CSF2RA: variants seen among roughly 807,000 people sequenced by gnomAD.
The protein encoded by CSF2RA is granulocyte-macrophage colony-stimulating factor receptor subunit alpha.
Under a neutral mutation model 51.6 loss-of-function variants are expected in CSF2RA, and 42 were observed. The observed-to-expected ratio is 0.81, with a 90% CI of 0.64 to 1.05. The LOEUF (loss-of-function observed/expected upper bound fraction) is 1.05, where lower values mean the gene tolerates loss of function less well. Ranked by LOEUF, CSF2RA falls within the 50% of genes least tolerant of loss-of-function variation. The probability of loss-of-function intolerance (pLI) is 0.00; values close to 1 mark genes in which losing one functional copy is unlikely to be tolerated. For synonymous variants in CSF2RA, 222 were observed against 193.0 expected (o/e 1.15, Z -1.24); for missense variants, 530 against 501.1 (o/e 1.06, Z -0.55).
intron 8 of CSF2RA, 129 bp from the exon 9 acceptor site, chrX:1,295,298 C>A: frequency 1.7e-6 from 2 of 1,172,854 alleles, no homozygotes; most frequent in Non-Finnish European, 2.6e-6. Context: ...TGGAGGGAGA[C>A]CTGCCTGCCA....
the CSF2RA span, among the ~76,000 whole-genome samples, chrX:1,324,371 G>C: frequency 7.2e-6 from 1 of 139,100 alleles, no homozygotes; most frequent in Non-Finnish European, 1.6e-5. Context: ...AGAAAGGAAA[G>C]AAAGAGAAAG....
intron 3 of CSF2RA, among the ~76,000 whole-genome samples, chrX:1,283,762 G>C (rs112908893): frequency 5.3e-5 from 8 of 151,844 alleles, no homozygotes; most frequent in African/African-American, 1.9e-4. Context: ...TAGAGATGGG[G>C]TTTTGTCATG....
At chrX:1,320,129 T>C in the CSF2RA span, among the ~76,000 whole-genome samples, 1 of 151,778 alleles carries the variant, frequency 6.6e-6, no homozygotes, top group Admixed American at 6.6e-5. Flanking sequence ...TCTCCTGACC[T>C]CGTCATCCAC....
intron 1 of CSF2RA, among the ~76,000 whole-genome samples, chrX:1,273,759 T>G (rs55863432): frequency 0.36 from 43,741 of 122,174 alleles, 7,490 homozygotes; most frequent in African/African-American, 0.51. Flanking sequence ...TTTTTTTTTT[T>G]TTTTTGTATT....
chrX:1,316,256 T>C, the CSF2RA span, among the ~76,000 whole-genome samples: 1 of 138,054 alleles, frequency 7.2e-6, no homozygotes, highest in Non-Finnish European at 1.5e-5. Flanking sequence ...ATAGATTAGA[T>C]AGATGATAGA....
intron 10 of CSF2RA, among the ~76,000 whole-genome samples, chrX:1,303,573 A>G (rs1357040826): frequency 6.6e-6 from 1 of 151,756 alleles, no homozygotes; most frequent in African/African-American, 2.4e-5. Context: ...ACGGGGTTTC[A>G]CCATGTTGGT....
intron 11 of CSF2RA, among the ~76,000 whole-genome samples, chrX:1,304,933 G>C (rs1412862629): frequency 6.6e-6 from 1 of 150,458 alleles, no homozygotes; most frequent in Non-Finnish European, 1.5e-5. Flanking sequence ...CCAAAGTGCT[G>C]GGATTACAGG....
At chrX:1,305,002 T>G (rs1367874422) in intron 11 of CSF2RA, among the ~76,000 whole-genome samples, 1 of 147,244 alleles carries the variant, frequency 6.8e-6, no homozygotes, top group African/African-American at 2.5e-5. Context: ...TGATTTTTTT[T>G]TGTTTTTTTG....
intron 10 of CSF2RA, among the ~76,000 whole-genome samples, chrX:1,303,662 C>T (rs1334464054): frequency 2.6e-5 from 4 of 152,150 alleles, no homozygotes; most frequent in Non-Finnish European, 5.9e-5. Context: ...AGGCGTGAGC[C>T]ACCGCATCCG....
chrX:1,314,971 TGCCTGCCCAATCGCACTG>T (rs2084501365), downstream of CSF2RA, among the ~76,000 whole-genome samples: 1 of 40,256 alleles, frequency 2.5e-5, no homozygotes, highest in African/African-American at 8.9e-5. Flanking sequence ...AACCCCACTG[TGCCTGCCCAATCGCACTG>T]CACCTGCCCA....
downstream of CSF2RA, chrX:1,309,998 C>G: frequency 2.2e-6 from 1 of 458,084 alleles, no homozygotes; most frequent in Non-Finnish European, 3.8e-6. Flanking sequence ...AGTTTAAGAC[C>G]AGTCTGGGCA....
intron 1 of CSF2RA, among the ~76,000 whole-genome samples, chrX:1,272,542 C>T (rs1486956564): frequency 1.3e-5 from 2 of 151,700 alleles, no homozygotes; most frequent in Non-Finnish European, 2.9e-5. Context: ...GGCTGGAGTG[C>T]AGTGGTGCGA....
chrX:1,302,834 C>T (rs2083130463), intron 10 of CSF2RA: 1 of 310,786 alleles, frequency 3.2e-6, no homozygotes, highest in East Asian at 4.9e-5. Flanking sequence ...GCTACGATTA[C>T]AGACATGCAT....
intron 9 of CSF2RA, among the ~76,000 whole-genome samples, chrX:1,299,735 T>C (rs1256031986): frequency 3.3e-5 from 5 of 151,792 alleles, no homozygotes; most frequent in African/African-American, 9.7e-5. Context: ...CTGGGCAACA[T>C]GGAGAAACCC....
intron 9 of CSF2RA, 103 bp from the exon 10 acceptor site, chrX:1,300,388 A>G (rs1176140871): frequency 2.1e-6 from 3 of 1,406,034 alleles, no homozygotes; most frequent in African/African-American, 2.9e-5. Context: ...AAAAAGAAAA[A>G]AAGAAAAGGA....
intron 9 of CSF2RA, among the ~76,000 whole-genome samples, chrX:1,296,063 CCCTACCCATG>C (rs1175930942): frequency 3.3e-5 from 5 of 150,342 alleles, no homozygotes; most frequent in East Asian, 2.0e-4. Context: ...CCATACAGTC[CCCTACCCATG>C]AGCCCTGGCA....
At chrX:1,290,285 G>A (rs1406307387) in intron 6 of CSF2RA, 52 bp from the exon 7 acceptor site, 23 of 1,408,884 alleles carry the variant, frequency 1.6e-5, no homozygotes, top group Non-Finnish European at 2.3e-5. Context: ...TTGTGTTTTT[G>A]TGTTTTGTTT....
chrX:1,306,820 G>A (rs2083616541), intron 12 of CSF2RA, among the ~76,000 whole-genome samples: 1 of 150,726 alleles, frequency 6.6e-6, no homozygotes, highest in Non-Finnish European at 1.5e-5. Context: ...GAAAAAGACG[G>A]ACAGAGAGAG....
chrX:1,320,107 G>C, the CSF2RA span, among the ~76,000 whole-genome samples: 14 of 151,986 alleles, frequency 9.2e-5, no homozygotes, highest in Non-Finnish European at 4.4e-5. Context: ...ATGTTAGCCA[G>C]GATGGTCTCG....
Sources: allele counts gnomAD v4.1 joint callset (sites outside exome capture counted in the v4.1 genomes callset), GRCh38; gene constraint gnomAD v4.1.1; transcripts MANE v1.5; gene names NCBI Gene and HGNC (gene_info 2026-07-23, HGNC 2026-07-21).